The following CNTNAP2 variants were observed in gnomAD, a reference collection of about 807,000 sequenced individuals.
The protein encoded by CNTNAP2 is contactin-associated protein-like 2.
CNTNAP2 carries 98 observed loss-of-function variants against 155.2 expected under a neutral mutation model. The ratio of observed to expected loss-of-function variants is 0.63; its 90% confidence interval spans 0.54 to 0.75. CNTNAP2 has a LOEUF of 0.75. CNTNAP2 is among the 30% of genes least tolerant of loss of function. The probability of loss-of-function intolerance (pLI) is 0.00; values close to 1 mark genes in which losing one functional copy is unlikely to be tolerated. For synonymous variants in CNTNAP2, 651 were observed against 631.2 expected (o/e 1.03, Z -0.47); for missense variants, 1,727 against 1,688.1 (o/e 1.02, Z -0.40).
chr7:146,932,544 T>C (rs1796797936), intron 3 of CNTNAP2, among the ~76,000 whole-genome samples: 1 of 152,152 alleles, frequency 6.6e-6, no homozygotes, highest in Admixed American at 6.5e-5. Context: ...GGATGCCCTC[T>C]CTCACCACTC....
intron 8 of CNTNAP2, among the ~76,000 whole-genome samples, chr7:147,289,042 A>G (rs1408938099): frequency 6.6e-6 from 1 of 152,214 alleles, no homozygotes; most frequent in Non-Finnish European, 1.5e-5. Flanking sequence ...CTCTATAAGG[A>G]AACCAAGTTA....
chr7:147,919,342 C>T (rs147816504), intron 14 of CNTNAP2, among the ~76,000 whole-genome samples: 1,542 of 151,804 alleles, frequency 0.01, 34 homozygotes, highest in African/African-American at 0.036. Context: ...AGTGCAGTGG[C>T]GCGATCACAA....
At chr7:147,546,043 T>C (rs1799724232) in intron 11 of CNTNAP2, among the ~76,000 whole-genome samples, 1 of 152,196 alleles carries the variant, frequency 6.6e-6, no homozygotes, top group Admixed American at 6.5e-5. Flanking sequence ...TGTGGAACAG[T>C]GAGTCAATTA....
At chr7:147,713,050 A>G (rs1796425664) in intron 13 of CNTNAP2, among the ~76,000 whole-genome samples, 1 of 152,154 alleles carries the variant, frequency 6.6e-6, no homozygotes, top group Non-Finnish European at 1.5e-5. Context: ...GCAACCAATT[A>G]CATGCTAGTA....
At chr7:146,433,028 G>A (rs1048976760) in intron 1 of CNTNAP2, among the ~76,000 whole-genome samples, 2 of 152,152 alleles carry the variant, frequency 1.3e-5, no homozygotes, top group Admixed American at 1.3e-4. Flanking sequence ...AATGGTGTCT[G>A]GAGTAGCTGA....
At chr7:147,706,438 C>T (rs970430464) in intron 13 of CNTNAP2, among the ~76,000 whole-genome samples, 2 of 151,750 alleles carry the variant, frequency 1.3e-5, no homozygotes, top group Admixed American at 1.3e-4. Flanking sequence ...TCTTTCAGCA[C>T]TTTCAATATA....
intron 3 of CNTNAP2, among the ~76,000 whole-genome samples, chr7:146,933,225 G>T (rs1466762684): frequency 6.6e-6 from 1 of 151,872 alleles, no homozygotes; most frequent in Non-Finnish European, 1.5e-5. Flanking sequence ...GCATGGTACT[G>T]GTACCAAAAT....
At chr7:147,317,649 G>C (rs1343915161) in intron 9 of CNTNAP2, among the ~76,000 whole-genome samples, 1 of 152,042 alleles carries the variant, frequency 6.6e-6, no homozygotes. Flanking sequence ...CCCTGGCTAA[G>C]GTCAGGTTCT....
intron 14 of CNTNAP2, among the ~76,000 whole-genome samples, chr7:147,934,145 A>G (rs1800562159): frequency 6.6e-6 from 1 of 152,320 alleles, no homozygotes; most frequent in South Asian, 2.1e-4. Flanking sequence ...ACGGTTAACA[A>G]TACTGTACAC....
At chr7:146,359,360 C>T (rs1795048937) in intron 1 of CNTNAP2, among the ~76,000 whole-genome samples, 1 of 152,228 alleles carries the variant, frequency 6.6e-6, no homozygotes, top group Non-Finnish European at 1.5e-5. Context: ...CTTCAGTCAT[C>T]TCATCTGTGG....
chr7:147,709,767 T>C (rs1361163295), intron 13 of CNTNAP2, among the ~76,000 whole-genome samples: 2 of 152,198 alleles, frequency 1.3e-5, no homozygotes, highest in Non-Finnish European at 2.9e-5. Flanking sequence ...CAACAGATTA[T>C]ATTTTGGGAT....
At chr7:147,771,268 T>G (rs1256497897) in intron 13 of CNTNAP2, among the ~76,000 whole-genome samples, 1 of 151,932 alleles carries the variant, frequency 6.6e-6, no homozygotes. Context: ...ATAGGAAAAA[T>G]CTTAATAACC....
At chr7:147,378,335 A>C (rs1455290556) in intron 9 of CNTNAP2, among the ~76,000 whole-genome samples, 1 of 152,008 alleles carries the variant, frequency 6.6e-6, no homozygotes, top group African/African-American at 2.4e-5. Context: ...TATGGGCTAC[A>C]TAAGAATGTC....
At chr7:148,369,643 CATT>C (rs10694264) in intron 21 of CNTNAP2, among the ~76,000 whole-genome samples, 5,638 of 143,396 alleles carry the variant, frequency 0.039, 133 homozygotes, top group East Asian at 0.13. Flanking sequence ...TGTTCTTTAT[CATT>C]ATTATTATTA....
At position 148,012,515 on chromosome 7, in the gene CNTNAP2, A is replaced by G. The variant is rs564887816; in HGVS notation, c.2383+34526A>G. Among the ~76,000 whole-genome samples the G allele has an allele frequency of 8.1e-4, 123 of 152,310 alleles. 1 individual carries two copies. Among genetic ancestry groups the G allele is most frequent in the African/African-American group, 2.8e-3 (116 of 41,566 alleles). ...TTGTGCCTGTAGGTAACAATACTGT[A>G]TGGTGCTCTTCAAAATTTGTTAAGA... On this transcript the variant is annotated intron_variant, in intron 15 of 23. Transcript: ENST00000361727.
At chr7:146,819,141 T>G (rs182760657) in intron 2 of CNTNAP2, among the ~76,000 whole-genome samples, 1 of 152,290 alleles carries the variant, frequency 6.6e-6, no homozygotes, top group Non-Finnish European at 1.5e-5. Flanking sequence ...CTATCTCAAG[T>G]TACCCAACTT....
At chr7:147,184,291 T>C (rs1352674643) in intron 8 of CNTNAP2, among the ~76,000 whole-genome samples, 1 of 152,158 alleles carries the variant, frequency 6.6e-6, no homozygotes, top group Non-Finnish European at 1.5e-5. Context: ...CTGCCCAACT[T>C]GTGGGTTTTC....
At chr7:146,906,516 T>A (rs1399525101) in intron 3 of CNTNAP2, among the ~76,000 whole-genome samples, 7 of 152,130 alleles carry the variant, frequency 4.6e-5, no homozygotes, top group African/African-American at 1.7e-4. Context: ...GCAGCCTAAC[T>A]GGGAGGCACC....
intron 10 of CNTNAP2, among the ~76,000 whole-genome samples, chr7:147,430,988 C>A (rs1644761334): frequency 6.6e-6 from 1 of 150,690 alleles, no homozygotes; most frequent in Non-Finnish European, 1.5e-5. Flanking sequence ...GCGGAGCTTG[C>A]AGTAAGCCGA....
Sources: allele counts gnomAD v4.1 joint callset (sites outside exome capture counted in the v4.1 genomes callset), GRCh38; gene constraint gnomAD v4.1.1; transcripts MANE v1.5; gene names NCBI Gene and HGNC (gene_info 2026-07-23, HGNC 2026-07-21).